F7: variants seen among roughly 807,000 people sequenced by gnomAD.
The protein encoded by F7 is coagulation factor VII.
A neutral mutation model predicts 47.5 loss-of-function variants in F7; 38 were observed. The observed-to-expected ratio is 0.80, with a 90% CI of 0.62 to 1.05. F7 has a LOEUF of 1.05. Ranked by LOEUF, F7 falls within the 50% of genes least tolerant of loss-of-function variation. F7 has a pLI of 0.00. For synonymous variants in F7, 244 were observed against 258.5 expected, an observed-to-expected ratio of 0.94 and a Z score of 0.54; for missense variants, 575 against 605.4, an observed-to-expected ratio of 0.95 and a Z score of 0.53.
At chr13:113,114,076 C>A (rs1039137302) in intron 4 of F7, 116 bp downstream of exon 4, 4 of 1,076,490 alleles carry the variant, frequency 3.7e-6, no homozygotes, top group Non-Finnish European at 5.5e-6. Context: ...GCCGGGCATT[C>A]AGGGCTCAGC....
chr13:113,117,426 A>G (rs2036212526), intron 6 of F7, 47 bp from the exon 7 acceptor site: 1 of 1,608,546 alleles, frequency 6.2e-7, no homozygotes, highest in African/African-American at 1.3e-5. Flanking sequence ...TCATCAGAGA[A>G]ACAATGACAG....
At chr13:113,111,382 T>G (rs2036090977) in intron 2 of F7, among the ~76,000 whole-genome samples, 1 of 142,856 alleles carries the variant, frequency 7.0e-6, no homozygotes, top group African/African-American at 2.7e-5. Flanking sequence ...CAGGGCACAC[T>G]TCACACTCAC....
chr13:113,111,413 G>GGC (rs113154160), intron 2 of F7, among the ~76,000 whole-genome samples: 89 of 82,612 alleles, frequency 1.1e-3, no homozygotes, highest in African/African-American at 4.0e-3. Context: ...ACACTCACAG[G>GGC]ACACCTCACA....
At position 113,106,709 on chromosome 13, in the gene F7, A is replaced by C; in HGVS notation, c.64+804A>C. 3 of 597,736 alleles carry C rather than the reference A, an allele frequency of 5.0e-6. No homozygotes were observed. In the South Asian group the frequency reaches 5.5e-5, roughly 11 times the overall value. The allele number at this position is 597,736 out of a possible 1,614,324, so 37.0% of individuals were successfully genotyped here. A position where few individuals can be genotyped will look rare whatever the true frequency, so the allele number is the denominator to read the frequency against. ...GGCGAGTAGGGGGTGTGGCGTGAGG[A>C]TGGCTAGTGGGGCGTGGGGATGGCG... is the stretch of plus-strand genomic sequence containing the variant. On this transcript the variant is annotated intron_variant, in intron 1 of 7. Transcript: ENST00000346342.
intron 2 of F7, among the ~76,000 whole-genome samples, chr13:113,111,876 T>C (rs2036103579): frequency 1.1e-5 from 1 of 93,286 alleles, no homozygotes; most frequent in Non-Finnish European, 2.1e-5. Flanking sequence ...CACTCACGGG[T>C]CACCTCACAC....
In F7 at chr13:113,113,911, C is replaced by G; in HGVS notation, c.315C>G (p.Ser105=). Reference sequence around the variant, plus strand: ...GCTCCTGCAAGGACCAGCTCCAGTCCTATATCTGCTTCTGCCTCCCTGCCT... The same window carrying G: ...GCTCCTGCAAGGACCAGCTCCAGTCGTATATCTGCTTCTGCCTCCCTGCCT... ...NGGSCKDQLQ[S]YICFCLPAFE... is the part of the protein sequence containing the mutation. Residue 105 remains serine, a synonymous_variant, in exon 4 of 8, where the codon TCC becomes TCG. Transcript: ENST00000346342. This position sits in a 1 kb window ranked among gnomAD's most constrained non-coding sequence, Gnocchi z 4.1. 1 of 1,614,156 alleles carries G rather than the reference C, an allele frequency of 6.2e-7. No individual in the cohort carries two copies. Among genetic ancestry groups the G allele is most frequent in the Non-Finnish European group, 8.5e-7 (1 of 1,180,032 alleles).
intron 7 of F7, 102 bp downstream of exon 7, chr13:113,117,698 G>A (rs993705136): frequency 1.3e-5 from 20 of 1,540,010 alleles, no homozygotes; most frequent in African/African-American, 6.9e-5. Context: ...CTGTCCGACC[G>A]CGGTGCTGGG....
rs1191455138 is a variant in F7 at position 113,116,809 on chromosome 13, T to C, written c.549T>C (p.Asn183=). The change falls in exon 6 of 8, where the codon AAT becomes AAC. Residue 183 remains asparagine, a synonymous_variant. Transcript: ENST00000346342. ...AAATACCTATTCTAGAAAAAAGAAATGCCAGCAAACCCCAAGGCCGAATTG... is the reference window on the plus strand; with the variant it reads ...AAATACCTATTCTAGAAAAAAGAAACGCCAGCAAACCCCAAGGCCGAATTG... The part of the protein sequence containing the change: ...CGKIPILEKR[N]ASKPQGRIVG... 1.5e-5 allele frequency: 25 copies of C among 1,613,916 alleles called. No homozygotes were observed. Among genetic ancestry groups the C allele is most frequent in the Non-Finnish European group, 2.1e-5 (25 of 1,180,012 alleles).
chr13:113,113,641 G>A lies in F7; in HGVS notation c.226-111G>A, dbSNP rs145774776. The A allele has an allele frequency of 2.8e-4, 322 of 1,148,632 alleles. No individual in the cohort carries two copies. In the East Asian group the frequency reaches 6.2e-3, roughly 22 times the overall value. 71.2% of individuals were successfully genotyped at this position (1,148,632 alleles called of 1,614,324 possible). On this transcript the variant is annotated intron_variant, in intron 2 of 7. Coordinates refer to ENST00000346342, the MANE Select transcript of F7 (RefSeq NM_019616.4). This position sits in a 1 kb window ranked among gnomAD's most constrained non-coding sequence, Gnocchi z 4.1. ...AAGTCTGGCTTCCTGAGCCCACCCC[G>A]CCAGACCCAGGTCCAAGTCCCCCAA...
chr13:113,113,855 C>A lies in F7; in HGVS notation c.259C>A (p.Gln87Lys). 1 of 1,614,216 alleles carries A rather than the reference C, an allele frequency of 6.2e-7. No homozygotes were observed. Among genetic ancestry groups the A allele is most frequent in the East Asian group, 2.2e-5 (1 of 44,890 alleles). Residue 87 changes from glutamine to lysine, a missense_variant, in exon 4 of 8, where the codon CAG (glutamine) becomes AAG (lysine). Coordinates refer to ENST00000346342, the MANE Select transcript of F7 (RefSeq NM_019616.4). The surrounding 1 kb of genome is among the most constrained non-coding windows in gnomAD (Gnocchi z 4.1). ...ACCAGCCCACTCCACAGATGGGGAC[C>A]AGTGTGCCTCAAGTCCATGCCAGAA... ...LFWISYSDGD[Q>K]CASSPCQNGG... is the part of the protein sequence containing the mutation.
In F7 at chr13:113,106,005, C is replaced by T; in HGVS notation, c.64+100C>T. 3.9e-6 allele frequency: 4 copies of T among 1,015,518 alleles called. No individual in the cohort carries two copies. The East Asian group carries it at 1.1e-4, about 27-fold the overall frequency. The allele number at this position is 1,015,518 out of a possible 1,614,324, so 62.9% of individuals were successfully genotyped here. A position where few individuals can be genotyped will look rare whatever the true frequency, so the allele number is the denominator to read the frequency against. ...CCAAACCCCGCCCTTGCTCCGGACACCCCCATCCACCAGGAGGGTTTTCTG... is the reference window on the plus strand; with the variant it reads ...CCAAACCCCGCCCTTGCTCCGGACATCCCCATCCACCAGGAGGGTTTTCTG... On this transcript the variant is annotated intron_variant, in intron 1 of 7. Coordinates refer to ENST00000346342, the MANE Select transcript of F7 (RefSeq NM_019616.4).
chr13:113,111,900 C>G (rs569073875), intron 2 of F7, among the ~76,000 whole-genome samples: 1 of 147,070 alleles, frequency 6.8e-6, no homozygotes, highest in East Asian at 2.1e-4. Context: ...CAGGACACCT[C>G]ACACTCAGGG....
intron 4 of F7, among the ~76,000 whole-genome samples, chr13:113,114,328 G>GT (rs1206794862): frequency 6.9e-6 from 1 of 143,906 alleles, no homozygotes. Context: ...GGTTTGAGGG[G>GT]TTTGTTTTTT....
chr13:113,115,691 G>A lies in F7; in HGVS notation c.396G>A (p.Glu132=), dbSNP rs781240802. 1.2e-6 allele frequency: 2 copies of A among 1,612,942 alleles called. No individual in the cohort carries two copies. The highest frequency in any genetic ancestry group is 1.7e-6 in the Non-Finnish European group (2 of 1,180,000). ...HKDDQLICVN[E]NGGCEQYCSD... Reference sequence around the variant, plus strand: ...ATGACCAGCTGATCTGTGTGAACGAGAACGGCGGCTGTGAGCAGTACTGCA... The same window carrying A: ...ATGACCAGCTGATCTGTGTGAACGAAAACGGCGGCTGTGAGCAGTACTGCA... The change falls in exon 5 of 8, where the codon GAG becomes GAA. Residue 132 remains glutamate, a synonymous_variant. Transcript: ENST00000346342.
chr13:113,111,447 A>C, intron 2 of F7, among the ~76,000 whole-genome samples: 1 of 51,998 alleles, frequency 1.9e-5, no homozygotes, highest in Non-Finnish European at 3.8e-5. Context: ...CTTCACACTC[A>C]CGGGTCACCT....
chr13:113,107,784 A>G (rs1260144812), intron 1 of F7, among the ~76,000 whole-genome samples: 4 of 1,400 alleles, frequency 2.9e-3, no homozygotes, highest in African/African-American at 6.4e-3. Flanking sequence ...GTGTCCCGGG[A>G]GTGTGGGTGT....
rs1566909087 is a variant in F7, at chr13:113,115,820, C to T, written c.505+20C>T. On this transcript the variant is annotated intron_variant, in intron 5 of 7. Coordinates refer to ENST00000346342, the MANE Select transcript of F7 (RefSeq NM_019616.4). Reference sequence around the variant, plus strand: ...CCACAGGTGACCAGGCTTCATGTCCCAGTCCCAGATGACACCAGTCCCTGT... The same window carrying T: ...CCACAGGTGACCAGGCTTCATGTCCTAGTCCCAGATGACACCAGTCCCTGT... 1.2e-6 allele frequency: 2 copies of T among 1,613,008 alleles called. No individual in the cohort carries two copies. The highest frequency in any genetic ancestry group is 2.7e-5 in the African/African-American group (2 of 75,068).
chr13:113,118,864 G>T lies in F7; in HGVS notation c.1191G>T (p.Thr397=), dbSNP rs533501978. The T allele has an allele frequency of 6.2e-7, 1 of 1,612,650 alleles. No individual in the cohort carries two copies. Residue 397 remains threonine, a synonymous_variant, in exon 8 of 8, where the codon ACG becomes ACT. Coordinates refer to ENST00000346342, the MANE Select transcript of F7 (RefSeq NM_019616.4). The part of the protein sequence containing the change: ...ATHYRGTWYL[T]GIVSWGQGCA... ...ACTACCGGGGCACGTGGTACCTGAC[G>T]GGCATCGTCAGCTGGGGCCAGGGCT... is the stretch of plus-strand genomic sequence containing the variant.
intron 1 of F7, chr13:113,110,432 T>C (rs889857689): frequency 1.6e-5 from 7 of 442,572 alleles, no homozygotes; most frequent in Non-Finnish European, 2.0e-5. Context: ...TCGGCCCGGC[T>C]TCCGCGCGTG....
Sources: allele counts gnomAD v4.1 joint callset (sites outside exome capture counted in the v4.1 genomes callset), GRCh38; gene constraint gnomAD v4.1.1; non-coding constraint Gnocchi (gnomAD v3.1); transcripts MANE v1.5; gene names NCBI Gene and HGNC (gene_info 2026-07-23, HGNC 2026-07-21).